RAD51B: variants seen among roughly 807,000 people sequenced by gnomAD.
RAD51B encodes DNA repair protein RAD51 homolog 2.
RAD51B carries 38 observed loss-of-function variants against 42.2 expected under a neutral mutation model. The ratio of observed to expected loss-of-function variants is 0.90; its 90% CI spans 0.70 to 1.18. RAD51B has a LOEUF of 1.18. RAD51B is among the 50% of genes most tolerant of loss of function. The pLI is 0.00. For synonymous variants in RAD51B, 154 were observed against 145.2 expected, an observed-to-expected ratio of 1.06 and a Z score of -0.43; for missense variants, 373 against 400.7, an observed-to-expected ratio of 0.93 and a Z score of 0.59.
chr14:68,619,194 G>A (rs1027313307), intron 10 of RAD51B, among the ~76,000 whole-genome samples: 2 of 152,182 alleles, frequency 1.3e-5, no homozygotes, highest in Non-Finnish European at 2.9e-5. Context: ...AAGTTAAAAG[G>A]CTGGGCGTGG....
At chr14:68,139,002 T>A (rs1018716524) in intron 7 of RAD51B, among the ~76,000 whole-genome samples, 1 of 152,046 alleles carries the variant, frequency 6.6e-6, no homozygotes, top group Non-Finnish European at 1.5e-5. Flanking sequence ...CCTCTACCAC[T>A]TTTAAAAAAA....
intron 7 of RAD51B, among the ~76,000 whole-genome samples, chr14:68,134,761 T>G (rs1391170574): frequency 6.7e-6 from 1 of 150,238 alleles, no homozygotes; most frequent in Non-Finnish European, 1.5e-5. Context: ...TTTGCTAATT[T>G]TCTAATTGGG....
chr14:68,238,951 A>G (rs2080325541), intron 7 of RAD51B, among the ~76,000 whole-genome samples: 1 of 152,250 alleles, frequency 6.6e-6, no homozygotes, highest in Admixed American at 6.5e-5. Context: ...GATGTTCTGT[A>G]GCATTCTGTG....
At chr14:68,339,302 C>T in intron 8 of RAD51B, 1 of 872,166 alleles carries the variant, frequency 1.1e-6, no homozygotes, top group South Asian at 1.4e-5. Flanking sequence ...TGGCAGGAGG[C>T]ACTTACATCC....
At chr14:68,673,883 CATGTAT>C (rs1893239595) in intron 11 of RAD51B, among the ~76,000 whole-genome samples, 2 of 150,226 alleles carry the variant, frequency 1.3e-5, no homozygotes, top group Admixed American at 6.6e-5. Flanking sequence ...TGTGCACACA[CATGTAT>C]ACATGCACAC....
At chr14:68,063,828 C>T (rs1361869852) in intron 7 of RAD51B, among the ~76,000 whole-genome samples, 1 of 152,202 alleles carries the variant, frequency 6.6e-6, no homozygotes, top group Non-Finnish European at 1.5e-5. Context: ...TCCACCAGTT[C>T]ATATCTTTTA....
intron 10 of RAD51B, among the ~76,000 whole-genome samples, chr14:68,477,113 G>C (rs1180897434): frequency 6.6e-6 from 1 of 152,220 alleles, no homozygotes; most frequent in Admixed American, 6.5e-5. Flanking sequence ...CTGGAACAAA[G>C]GGTGTGAGGC....
intron 10 of RAD51B, among the ~76,000 whole-genome samples, chr14:68,574,940 G>T (rs1889895956): frequency 6.6e-6 from 1 of 152,170 alleles, no homozygotes; most frequent in Admixed American, 6.5e-5. Context: ...TTGGGGATGA[G>T]CAGTCTTCTC....
intron 7 of RAD51B, among the ~76,000 whole-genome samples, chr14:67,952,790 A>G (rs992998623): frequency 1.3e-5 from 2 of 152,148 alleles, no homozygotes; most frequent in Non-Finnish European, 2.9e-5. Flanking sequence ...TGTCAGGAAC[A>G]TGACATATAA....
At chr14:68,618,393 G>A (rs1242219188) in intron 10 of RAD51B, among the ~76,000 whole-genome samples, 2 of 152,138 alleles carry the variant, frequency 1.3e-5, no homozygotes, top group Admixed American at 6.5e-5. Context: ...TCTACCAAAA[G>A]TTGCACTGTC....
At chr14:68,567,133 A>C (rs1400254553) in intron 10 of RAD51B, among the ~76,000 whole-genome samples, 1 of 152,088 alleles carries the variant, frequency 6.6e-6, no homozygotes, top group Non-Finnish European at 1.5e-5. Flanking sequence ...CCCTGTCTCT[A>C]CTAAAAATAC....
chr14:68,276,639 T>C (rs2081230738), intron 7 of RAD51B, among the ~76,000 whole-genome samples: 1 of 152,156 alleles, frequency 6.6e-6, no homozygotes, highest in Non-Finnish European at 1.5e-5. Flanking sequence ...AGGAAAAGAA[T>C]GTGTAGGGGA....
chr14:68,668,442 G>A (rs540791379), intron 11 of RAD51B, among the ~76,000 whole-genome samples: 11 of 152,328 alleles, frequency 7.2e-5, no homozygotes, highest in African/African-American at 1.9e-4. Context: ...CTGCCGTTAG[G>A]TGGAGGCCAT....
chr14:68,444,440 TTGTG>T (rs3837661), intron 9 of RAD51B, among the ~76,000 whole-genome samples: 51,025 of 150,044 alleles, frequency 0.34, 8,901 homozygotes, highest in South Asian at 0.54. Flanking sequence ...GAATTGTGAA[TTGTG>T]TGTGTGTGTG....
At chr14:68,159,702 A>G (rs565484708) in intron 7 of RAD51B, among the ~76,000 whole-genome samples, 71 of 151,916 alleles carry the variant, frequency 4.7e-4, no homozygotes, top group Admixed American at 2.9e-3. Flanking sequence ...TTTACATTCT[A>G]TTTCCAATGC....
intron 7 of RAD51B, among the ~76,000 whole-genome samples, chr14:67,915,043 A>G (rs138919736): frequency 6.6e-6 from 1 of 152,286 alleles, no homozygotes; most frequent in East Asian, 1.9e-4. Context: ...TCATGGACAT[A>G]AAGATGGGAG....
At chr14:68,624,972 A>C (rs4902619) in intron 10 of RAD51B, among the ~76,000 whole-genome samples, 18,980 of 152,056 alleles carry the variant, frequency 0.12, 1,344 homozygotes, top group East Asian at 0.2. Flanking sequence ...ATCTTATGAA[A>C]TCCTCAGACA....
chr14:67,833,763 C>A (rs562406626), intron 3 of RAD51B, among the ~76,000 whole-genome samples: 2 of 152,138 alleles, frequency 1.3e-5, no homozygotes, highest in African/African-American at 2.4e-5. Context: ...GAAGTGAAAC[C>A]GTGGATAAGG....
rs74617175 is a variant in RAD51B at position 68,418,501 on chromosome 14, A to G, written c.957+6974A>G. On this transcript the variant is annotated intron_variant, in intron 9 of 10. Transcript: ENST00000471583. ...TGTCTGGTACCAATTCCCCTTGTGC[A>G]GTGACCCTGCCTGCTCTAACTTGCT... Among the ~76,000 whole-genome samples the G allele has an allele frequency of 8.3e-3, 1,268 of 152,284 alleles. 21 individuals are homozygous for G. The highest frequency in any genetic ancestry group is 0.025 in the African/African-American group (1,039 of 41,546).
Sources: allele counts gnomAD v4.1 joint callset (sites outside exome capture counted in the v4.1 genomes callset), GRCh38; gene constraint gnomAD v4.1.1; transcripts MANE v1.5; gene names NCBI Gene and HGNC (gene_info 2026-07-23, HGNC 2026-07-21).